RALA: variants seen among roughly 807,000 people sequenced by gnomAD.
RALA encodes the protein RAS like proto-oncogene A.
In RALA, 5 loss-of-function variants were observed where a neutral mutation model predicts 24.0. That is an observed-to-expected ratio of 0.21 (90% CI 0.11 to 0.44). The LOEUF (loss-of-function observed/expected upper bound fraction) is 0.44, where lower values mean the gene tolerates loss of function less well. Among genes scored for constraint, RALA ranks in the 20% least tolerant of loss-of-function variants. RALA has a pLI of 0.99. For missense variants in RALA, 95 were observed against 241.2 expected (o/e 0.39, Z 4.01); for synonymous variants, 77 against 83.8 (o/e 0.92, Z 0.44).
intron 1 of RALA, among the ~76,000 whole-genome samples, chr7:39,639,819 A>G (rs1791749078): frequency 6.6e-6 from 1 of 152,086 alleles, no homozygotes; most frequent in Non-Finnish European, 1.5e-5. Flanking sequence ...GTCCTGTTGC[A>G]GGATGCCCTC....
Position 39,685,033 on chromosome 7 carries a change from AATTGCG to A in RALA, c.-37-1597_-37-1592del, listed in dbSNP as rs1319883022. Among the ~76,000 whole-genome samples the A allele has an allele frequency of 3.8e-3, 574 of 152,290 alleles. 3 individuals are homozygous for A. The highest frequency in any genetic ancestry group is 0.013 in the African/African-American group (557 of 41,572). On this transcript the variant is annotated intron_variant, in intron 1 of 4. Coordinates refer to ENST00000005257, the MANE Select transcript of RALA (RefSeq NM_005402.4). ...TATACTATTAAGTTGGTGCAAAAGT[AATTGCG>A]GTTTTGCCATTGAAAGTAATGGCCA... is the stretch of plus-strand genomic sequence containing the variant.
intron 3 of RALA, 114 bp downstream of exon 3, chr7:39,690,704 T>C: frequency 2.5e-6 from 2 of 800,604 alleles, no homozygotes; most frequent in South Asian, 1.9e-5. Flanking sequence ...TGTCTCTAAT[T>C]GTGTTTATTC....
chr7:39,694,884 AAAAG>A (rs1792890777), intron 3 of RALA, among the ~76,000 whole-genome samples: 1 of 151,696 alleles, frequency 6.6e-6, no homozygotes, highest in African/African-American at 2.4e-5. Flanking sequence ...CTCTACAAAA[AAAAG>A]AAAAAAAGAA....
At chr7:39,678,926 C>T (rs922689652) in intron 1 of RALA, among the ~76,000 whole-genome samples, 1 of 152,012 alleles carries the variant, frequency 6.6e-6, no homozygotes, top group Non-Finnish European at 1.5e-5. Context: ...TCTGTAGTGA[C>T]TTAGTTTCCA....
chr7:39,690,238 T>A (rs1284852445), intron 2 of RALA, 144 bp from the exon 3 acceptor site: 1 of 630,090 alleles, frequency 1.6e-6, no homozygotes, highest in East Asian at 2.9e-5. Context: ...ATTAGTGTAG[T>A]TTTTACCATT....
At chr7:39,625,456 A>G (rs866842163) in intron 1 of RALA, among the ~76,000 whole-genome samples, 2 of 152,170 alleles carry the variant, frequency 1.3e-5, no homozygotes, top group South Asian at 4.1e-4. Context: ...AAAAAGAGGA[A>G]ATTAGGAGTT....
intron 1 of RALA, among the ~76,000 whole-genome samples, chr7:39,664,806 C>CA (rs560836047): frequency 0.084 from 11,870 of 141,648 alleles, 1,046 homozygotes; most frequent in African/African-American, 0.23. Flanking sequence ...GTGGACGTGC[C>CA]AAAAAAAAAA....
At chr7:39,649,402 A>C (rs1791982563) in intron 1 of RALA, among the ~76,000 whole-genome samples, 1 of 152,204 alleles carries the variant, frequency 6.6e-6, no homozygotes, top group South Asian at 2.1e-4. Flanking sequence ...TCCTTAATTC[A>C]ACAATATTAA....
chr7:39,667,661 G>T lies in RALA; in HGVS notation c.-37-18970G>T, dbSNP rs116186507. Among the ~76,000 whole-genome samples the T allele has an allele frequency of 1.2e-3, 177 of 152,328 alleles. 1 individual carries two copies. Among genetic ancestry groups the T allele is most frequent in the African/African-American group, 3.8e-3 (159 of 41,570 alleles). The stretch of plus-strand genomic sequence containing the variant: ...AGGAATATAAGTGAAAAGCTAGCTT[G>T]ATATCCTGCCCACACAACCAGCCCA... On this transcript the variant is annotated intron_variant, in intron 1 of 4. Transcript: ENST00000005257.
chr7:39,690,797 C>T (rs942941805), intron 3 of RALA, among the ~76,000 whole-genome samples: 13 of 152,168 alleles, frequency 8.5e-5, no homozygotes, highest in Non-Finnish European at 1.9e-4. Flanking sequence ...ACAGCTCTCC[C>T]GGTGTCACCT....
At chr7:39,671,981 C>G (rs1562618048) in intron 1 of RALA, among the ~76,000 whole-genome samples, 1 of 152,006 alleles carries the variant, frequency 6.6e-6, no homozygotes, top group Non-Finnish European at 1.5e-5. Flanking sequence ...CCTTCCATCT[C>G]TTTATAATAA....
At chr7:39,652,442 A>G (rs972681391) in intron 1 of RALA, among the ~76,000 whole-genome samples, 4 of 152,192 alleles carry the variant, frequency 2.6e-5, no homozygotes, top group Admixed American at 2.0e-4. Context: ...TAGTTTTTAA[A>G]CAGGACCATA....
At chr7:39,655,460 T>G (rs1391428285) in intron 1 of RALA, among the ~76,000 whole-genome samples, 1 of 152,174 alleles carries the variant, frequency 6.6e-6, no homozygotes, top group Non-Finnish European at 1.5e-5. Flanking sequence ...TGAACAGGCT[T>G]AAATATGTGC....
At chr7:39,625,252 C>A (rs1398693333) in intron 1 of RALA, among the ~76,000 whole-genome samples, 1 of 152,184 alleles carries the variant, frequency 6.6e-6, no homozygotes, top group Non-Finnish European at 1.5e-5. Flanking sequence ...CTTCAGCAGT[C>A]AGAGTTCTTT....
chr7:39,696,641 A>G (rs577778755), intron 3 of RALA, 44 bp from the exon 4 acceptor site: 29 of 1,480,856 alleles, frequency 2.0e-5, no homozygotes, highest in African/African-American at 4.2e-5. Context: ...TTTCTGTGCT[A>G]TCCTTATAAT....
chr7:39,645,684 TA>T (rs1245810027), intron 1 of RALA, among the ~76,000 whole-genome samples: 3 of 152,218 alleles, frequency 2.0e-5, no homozygotes, highest in Non-Finnish European at 4.4e-5. Context: ...GGCACTGTAC[TA>T]GGCAAATAAT....
At chr7:39,699,121 ATTTTTTTTTTTTTTTTT>A (rs71560137) in intron 4 of RALA, among the ~76,000 whole-genome samples, 4 of 61,366 alleles carry the variant, frequency 6.5e-5, no homozygotes, top group East Asian at 5.3e-4. Context: ...TAAAAATGTT[ATTTTTTTTTTTTTTTTT>A]TTTTTTTTTT....
intron 1 of RALA, among the ~76,000 whole-genome samples, chr7:39,637,148 T>A (rs1343457603): frequency 6.6e-6 from 1 of 152,232 alleles, no homozygotes; most frequent in Non-Finnish European, 1.5e-5. Context: ...AATACTGACA[T>A]TGTCTAAGTG....
intron 4 of RALA, among the ~76,000 whole-genome samples, chr7:39,699,302 G>A (rs1018769205): frequency 4.0e-5 from 6 of 150,026 alleles, no homozygotes; most frequent in East Asian, 3.9e-4. Flanking sequence ...CACCGCGCCC[G>A]GCTAATTTTT....
Sources: gnomAD v4.1 joint callset for allele counts (sites outside exome capture counted in the v4.1 genomes callset) on GRCh38, gnomAD v4.1.1 for gene constraint, MANE v1.5 for transcripts, NCBI Gene and HGNC (gene_info 2026-07-23, HGNC 2026-07-21) for gene names.